Variants in MTBP observed in about 807,000 individuals in gnomAD.
MTBP encodes mdm2-binding protein.
MTBP carries 101 observed loss-of-function variants against 117.0 expected under a neutral mutation model. The ratio of observed to expected loss-of-function variants is 0.86; its 90% CI spans 0.73 to 1.02. MTBP has a LOEUF of 1.02. MTBP is among the 50% of genes least tolerant of loss of function. The pLI is 0.00. For synonymous variants in MTBP, 350 were observed against 351.5 expected (o/e 1.00, Z 0.05); for missense variants, 970 against 1,030.9 (o/e 0.94, Z 0.81).
chr8:120,478,263 G>A (rs1161604581), intron 11 of MTBP, among the ~76,000 whole-genome samples: 1 of 152,104 alleles, frequency 6.6e-6, no homozygotes, highest in Non-Finnish European at 1.5e-5. Flanking sequence ...GGGTATGGGG[G>A]GCTAGGGGAG....
At chr8:120,512,794 G>A (rs1329393483) in intron 17 of MTBP, among the ~76,000 whole-genome samples, 1 of 152,074 alleles carries the variant, frequency 6.6e-6, no homozygotes, top group Non-Finnish European at 1.5e-5. Context: ...TGAGCACCAT[G>A]AATTCAGAAA....
intron 20 of MTBP, among the ~76,000 whole-genome samples, chr8:120,519,080 G>A (rs557465892): frequency 6.6e-6 from 1 of 150,438 alleles, no homozygotes; most frequent in South Asian, 2.1e-4. Context: ...TTCATAACAT[G>A]TTTAATTATT....
chr8:120,495,562 C>T (rs559680794), intron 13 of MTBP, among the ~76,000 whole-genome samples: 1 of 151,526 alleles, frequency 6.6e-6, no homozygotes, highest in Non-Finnish European at 1.5e-5. Flanking sequence ...CTCTTTCTCT[C>T]TCTGGAGCTC....
chr8:120,483,652 A>G (rs935701196), intron 11 of MTBP, among the ~76,000 whole-genome samples: 1 of 152,186 alleles, frequency 6.6e-6, no homozygotes, highest in Admixed American at 6.5e-5. Context: ...TAATAAAGAC[A>G]TAAGACTTTA....
intron 10 of MTBP, among the ~76,000 whole-genome samples, chr8:120,464,849 G>T (rs1813655332): frequency 6.6e-6 from 1 of 151,896 alleles, no homozygotes; most frequent in Non-Finnish European, 1.5e-5. Flanking sequence ...TACTGTGTAT[G>T]AGGTACTATA....
At chr8:120,504,246 A>T (rs1045954591) in intron 15 of MTBP, among the ~76,000 whole-genome samples, 2 of 152,180 alleles carry the variant, frequency 1.3e-5, no homozygotes, top group African/African-American at 4.8e-5. Context: ...GAGAACCTCA[A>T]TTTCTTGCCT....
chr8:120,482,899 C>A (rs534579102), intron 11 of MTBP, among the ~76,000 whole-genome samples: 1 of 151,802 alleles, frequency 6.6e-6, no homozygotes, highest in African/African-American at 2.4e-5. Context: ...TGGGGTTTCA[C>A]TGTGTTAGCC....
At chr8:120,490,599 A>G (rs1168066452) in intron 13 of MTBP, 29 bp downstream of exon 13, 1 of 1,435,120 alleles carries the variant, frequency 7.0e-7, no homozygotes, top group South Asian at 1.2e-5. Context: ...ATTTTATCCT[A>G]CCCTAAAAAT....
chr8:120,515,931 C>T lies in MTBP; in HGVS notation c.1986C>T (p.Cys662=), dbSNP rs1814908590. 2.1e-5 allele frequency: 34 copies of T among 1,611,690 alleles called. No individual in the cohort carries two copies. Among genetic ancestry groups the T allele is most frequent in the Non-Finnish European group, 2.9e-5 (34 of 1,178,658 alleles). ...SVCHYHGIEY[C]LDDRKALERD... is the part of the protein sequence containing the mutation. ...GCTCTTTCACTCATTTTAGATATTG[C>T]TTGGATGACCGAAAAGCTTTGGAAA... Residue 662 remains cysteine, a synonymous_variant, in exon 18 of 22, where the codon TGC becomes TGT. Coordinates refer to ENST00000305949, the MANE Select transcript of MTBP (RefSeq NM_022045.5).
chr8:120,468,586 A>T lies in MTBP; in HGVS notation c.1048-2234A>T, dbSNP rs781025089. ...CAGGTGAATATGATGGATGAGGCAA[A>T]ACTTTGTAGCCCAGTTCATTCAACT... On this transcript the variant is annotated intron_variant, in intron 10 of 21. Coordinates refer to ENST00000305949, the MANE Select transcript of MTBP (RefSeq NM_022045.5). 2.0e-5 allele frequency among the ~76,000 whole-genome samples: 3 copies of T among 152,148 alleles called. No homozygotes were observed. In the South Asian group the frequency reaches 6.2e-4, roughly 32 times the overall value.
At chr8:120,511,423 G>C (rs1563805276) in intron 17 of MTBP, among the ~76,000 whole-genome samples, 1 of 152,132 alleles carries the variant, frequency 6.6e-6, no homozygotes, top group Non-Finnish European at 1.5e-5. Context: ...AGCCTCCCAG[G>C]TAACTGGGAT....
rs372447274 is a variant in MTBP, at chr8:120,516,140, C to G, written c.2195C>G (p.Ser732Cys). ...CAAAATGAACTTCGAACTGAAGTAT[C>G]CCGATTGAAACGGAGATCTAAAGAT... ...VLQNELRTEVSRLKRRSKDLN... is the reference protein window; with the variant it reads ...VLQNELRTEVCRLKRRSKDLN... Residue 732 changes from serine (S) to cysteine (C), a missense_variant, in exon 18 of 22, where the codon TCC becomes TGC. Ser to Cys is a moderately radical substitution (Grantham distance 112). Transcript: ENST00000305949. 1 of 1,612,392 alleles carries G rather than the reference C, an allele frequency of 6.2e-7. No homozygotes were observed. Among genetic ancestry groups the G allele is most frequent in the Non-Finnish European group, 8.5e-7 (1 of 1,178,962 alleles).
At chr8:120,500,580 T>G (rs188944444) in intron 14 of MTBP, among the ~76,000 whole-genome samples, 47 of 152,358 alleles carry the variant, frequency 3.1e-4, no homozygotes, top group Non-Finnish European at 5.6e-4. Flanking sequence ...CTCATTACTT[T>G]TTAAAATAGC....
At chr8:120,512,936 T>C (rs563137103) in intron 17 of MTBP, among the ~76,000 whole-genome samples, 55 of 152,076 alleles carry the variant, frequency 3.6e-4, no homozygotes, top group Non-Finnish European at 6.6e-4. Flanking sequence ...TTCTCTTACG[T>C]TATTGTGGGC....
In MTBP at chr8:120,453,945, C is replaced by T. The variant is rs775864064; in HGVS notation, c.484+40C>T. 17 of 1,110,356 alleles carry T rather than the reference C, an allele frequency of 1.5e-5. No homozygotes were observed. In the South Asian group the frequency reaches 2.2e-4, roughly 14 times the overall value. The allele number at this position is 1,110,356 out of a possible 1,614,324, so 68.8% of individuals were successfully genotyped here. A position where few individuals can be genotyped will look rare whatever the true frequency, so the allele number is the denominator to read the frequency against. ...CTGCTTTCAATAATTTGTATCTTAT[C>T]TTATTACACTTTATGAATAAATGAT... On this transcript the variant is annotated intron_variant, in intron 5 of 21. Coordinates refer to ENST00000305949, the MANE Select transcript of MTBP (RefSeq NM_022045.5).
intron 20 of MTBP, among the ~76,000 whole-genome samples, chr8:120,520,810 A>G (rs1814998278): frequency 1.4e-5 from 2 of 140,888 alleles, no homozygotes; most frequent in South Asian, 4.6e-4. Context: ...AGAAAAAAGA[A>G]AAGAAACTTC....
At chr8:120,474,936 G>A (rs1009513291) in intron 11 of MTBP, among the ~76,000 whole-genome samples, 4 of 152,064 alleles carry the variant, frequency 2.6e-5, no homozygotes, top group African/African-American at 9.7e-5. Context: ...AAACAAGTTT[G>A]TGTGTATTTA....
intron 7 of MTBP, among the ~76,000 whole-genome samples, chr8:120,458,962 C>T (rs1353286272): frequency 2.0e-5 from 3 of 151,890 alleles, no homozygotes; most frequent in Admixed American, 1.3e-4. Flanking sequence ...CCTGTGGCTG[C>T]ATAGAATGAG....
chr8:120,468,455 G>C (rs928014161), intron 10 of MTBP, among the ~76,000 whole-genome samples: 1 of 152,044 alleles, frequency 6.6e-6, no homozygotes, highest in Non-Finnish European at 1.5e-5. Flanking sequence ...GGAATTCTAC[G>C]AACTCTTGGA....
Sources: gnomAD v4.1 joint callset for allele counts (sites outside exome capture counted in the v4.1 genomes callset) on GRCh38, gnomAD v4.1.1 for gene constraint, MANE v1.5 for transcripts, NCBI Gene and HGNC (gene_info 2026-07-23, HGNC 2026-07-21) for gene names.